The following FGF12 variants were observed in gnomAD, a reference collection of about 807,000 sequenced individuals.
FGF12 encodes the protein fibroblast growth factor 12B.
FGF12 carries 14 observed loss-of-function variants against 23.6 expected under a neutral mutation model. The ratio of observed to expected loss-of-function variants is 0.59; its 90% CI spans 0.39 to 0.93. The LOEUF is 0.93. FGF12 is among the 40% of genes least tolerant of loss of function. The probability of loss-of-function intolerance (pLI) is 0.00; values close to 1 mark genes in which losing one functional copy is unlikely to be tolerated. For missense variants in FGF12, 175 were observed against 217.8 expected, an observed-to-expected ratio of 0.80 and a Z score of 1.24; for synonymous variants, 62 against 77.3, an observed-to-expected ratio of 0.80 and a Z score of 1.04.
intron 4 of FGF12, among the ~76,000 whole-genome samples, chr3:192,261,462 G>A (rs1452333942): frequency 6.6e-6 from 1 of 152,156 alleles, no homozygotes; most frequent in Non-Finnish European, 1.5e-5. Context: ...ACCTGGGAGA[G>A]GATTTAACTG....
chr3:192,169,622 C>T (rs767085770), intron 5 of FGF12, among the ~76,000 whole-genome samples: 1 of 152,096 alleles, frequency 6.6e-6, no homozygotes, highest in Non-Finnish European at 1.5e-5. Flanking sequence ...TTGCAATGCA[C>T]TGCCTCAATT....
chr3:192,335,589 T>C (rs1453215794), intron 3 of FGF12, 125 bp from the exon 4 acceptor site: 2 of 649,712 alleles, frequency 3.1e-6, no homozygotes, highest in Non-Finnish European at 5.5e-6. Flanking sequence ...GAGAGAGAAA[T>C]AAAGAGAGGT....
chr3:192,183,290 G>A (rs1421006461), intron 4 of FGF12, among the ~76,000 whole-genome samples: 3 of 152,010 alleles, frequency 2.0e-5, no homozygotes, highest in African/African-American at 7.3e-5. Context: ...AGCTAGAAAC[G>A]CACATCTCAC....
At chr3:192,580,034 T>G (rs1713068321) in intron 2 of FGF12, among the ~76,000 whole-genome samples, 3 of 152,246 alleles carry the variant, frequency 2.0e-5, no homozygotes, top group Admixed American at 6.5e-5. Flanking sequence ...CCATGCTCCC[T>G]GACCTCAAAT....
At chr3:192,695,959 C>G (rs1370027968) in intron 2 of FGF12, among the ~76,000 whole-genome samples, 1 of 152,102 alleles carries the variant, frequency 6.6e-6, no homozygotes, top group Admixed American at 6.5e-5. Context: ...ATTAGCCAGT[C>G]ATGGTGGCAT....
chr3:192,632,173 A>C (rs553409986), intron 2 of FGF12, among the ~76,000 whole-genome samples: 63 of 152,280 alleles, frequency 4.1e-4, no homozygotes, highest in African/African-American at 1.4e-3. Flanking sequence ...CATCTAATCC[A>C]AGGCAAATGA....
intron 2 of FGF12, among the ~76,000 whole-genome samples, chr3:192,433,828 GT>G (rs1721934980): frequency 6.6e-6 from 1 of 152,188 alleles, no homozygotes; most frequent in South Asian, 2.1e-4. Context: ...CATGGGGTAT[GT>G]TCACAACACA....
intron 2 of FGF12, among the ~76,000 whole-genome samples, chr3:192,639,649 A>G (rs1560177911): frequency 1.3e-5 from 2 of 152,238 alleles, no homozygotes; most frequent in South Asian, 4.1e-4. Context: ...CAGATGGGAA[A>G]CATTTGAGAC....
intron 4 of FGF12, among the ~76,000 whole-genome samples, chr3:192,197,946 CAAAA>C (rs11328919): frequency 2.8e-4 from 14 of 49,128 alleles, no homozygotes; most frequent in South Asian, 1.6e-3. Flanking sequence ...AATTCCTCCT[CAAAA>C]AAAAAAAAAA....
At chr3:192,458,331 A>C (rs1722743369) in intron 2 of FGF12, among the ~76,000 whole-genome samples, 1 of 152,182 alleles carries the variant, frequency 6.6e-6, no homozygotes, top group Non-Finnish European at 1.5e-5. Context: ...GTGTGCCTGG[A>C]AAAGCTGCAG....
In FGF12 at chr3:192,576,652, G is replaced by GA. The variant is rs371090192; in HGVS notation, c.13+150528dup. Among the ~76,000 whole-genome samples the GA allele has an allele frequency of 4.4e-4, 67 of 151,752 alleles. 1 individual carries two copies. Among genetic ancestry groups the GA allele is most frequent in the African/African-American group, 1.2e-3 (48 of 41,292 alleles). On this transcript the variant is annotated intron_variant, in intron 2 of 5. Coordinates refer to ENST00000445105, the MANE Select transcript of FGF12 (RefSeq NM_004113.6). ...TTATTTAAGAATACTTGATGGTATGGAAAAAAAATGCTCATATTTTAATAT... is the reference window on the plus strand; with the variant it reads ...TTATTTAAGAATACTTGATGGTATGGAAAAAAAAATGCTCATATTTTAATAT...
chr3:192,626,716 G>A (rs149839691), intron 2 of FGF12, among the ~76,000 whole-genome samples: 146 of 152,128 alleles, frequency 9.6e-4, no homozygotes, highest in African/African-American at 3.4e-3. Context: ...GGGCTCAAAC[G>A]GTCCTCCCAC....
At chr3:192,281,495 T>A (rs1714141150) in intron 4 of FGF12, among the ~76,000 whole-genome samples, 1 of 152,142 alleles carries the variant, frequency 6.6e-6, no homozygotes, top group Non-Finnish European at 1.5e-5. Flanking sequence ...GAAGTACACA[T>A]GAATTTGGAG....
At chr3:192,365,976 TAAAA>T (rs5855421) in intron 2 of FGF12, among the ~76,000 whole-genome samples, 16 of 130,788 alleles carry the variant, frequency 1.2e-4, no homozygotes, top group Admixed American at 2.2e-4. Flanking sequence ...GCTTCAAAGG[TAAAA>T]AAAAAAAAAA....
rs576912783 is a variant in FGF12, at chr3:192,622,865, A to G, written c.13+104316T>C. 5.9e-5 allele frequency among the ~76,000 whole-genome samples: 9 copies of G among 152,304 alleles called. No individual in the cohort carries two copies. The South Asian group carries it at 1.0e-3, about 18-fold the overall frequency. ...TTTCTTAGGGTGGCCTTCCTGGACA[A>G]CCAAGGAGAGCAAGTCAGTGGCGTC... On this transcript the variant is annotated intron_variant, in intron 2 of 5. Coordinates refer to ENST00000445105, the MANE Select transcript of FGF12 (RefSeq NM_004113.6).
intron 2 of FGF12, among the ~76,000 whole-genome samples, chr3:192,362,534 C>T (rs1170927012): frequency 6.6e-6 from 1 of 152,094 alleles, no homozygotes; most frequent in East Asian, 1.9e-4. Context: ...GTGCCTCTGC[C>T]TTTGGCTACC....
At chr3:192,209,731 CTG>C (rs1717834373) in intron 4 of FGF12, among the ~76,000 whole-genome samples, 2 of 152,128 alleles carry the variant, frequency 1.3e-5, no homozygotes, top group African/African-American at 4.8e-5. Context: ...TGAAGTAACT[CTG>C]TAATAAAGCA....
At position 192,167,769 on chromosome 3, in the gene FGF12, AAAAT is replaced by A. The variant is rs1481306782; in HGVS notation, c.427+2685_427+2688del. 5.5e-3 allele frequency among the ~76,000 whole-genome samples: 213 copies of A among 38,852 alleles called. 24 individuals are homozygous for A. The highest frequency in any genetic ancestry group is 8.2e-3 in the African/African-American group (57 of 6,972). The allele number at this position is 38,852 out of a possible 152,430, so 25.5% of individuals were successfully genotyped here. On this transcript the variant is annotated intron_variant, in intron 5 of 5. Transcript: ENST00000445105. ...TATATATATATATATATATATATAT[AAAAT>A]TTTTTTTTTTTTTTTTTTTTGAGAA...
chr3:192,549,485 T>C (rs948749220), intron 2 of FGF12, among the ~76,000 whole-genome samples: 1 of 151,968 alleles, frequency 6.6e-6, no homozygotes. Flanking sequence ...TAGGAACAAA[T>C]GAAAAGGAGG....
Sources: gnomAD v4.1 joint callset for allele counts (sites outside exome capture counted in the v4.1 genomes callset) on GRCh38, gnomAD v4.1.1 for gene constraint, MANE v1.5 for transcripts, NCBI Gene and HGNC (gene_info 2026-07-23, HGNC 2026-07-21) for gene names.